FAM227B: variants seen among roughly 807,000 people sequenced by gnomAD.
The protein encoded by FAM227B is protein FAM227B.
Under a neutral mutation model 73.8 loss-of-function variants are expected in FAM227B, and 88 were observed. The observed-to-expected ratio is 1.19, with a 90% CI of 1.00 to 1.42. FAM227B has a LOEUF of 1.42. FAM227B is among the 40% of genes most tolerant of loss of function. The pLI, the probability that FAM227B is intolerant of heterozygous loss-of-function variation, is 0.00. For synonymous variants in FAM227B, 210 were observed against 190.5 expected (o/e 1.10, Z -0.84); for missense variants, 632 against 590.9 (o/e 1.07, Z -0.72).
chr15:49,534,776 A>C (rs910595383), intron 10 of FAM227B, among the ~76,000 whole-genome samples: 1 of 151,818 alleles, frequency 6.6e-6, no homozygotes, highest in African/African-American at 2.4e-5. Flanking sequence ...AATGGCCAGA[A>C]ACTACAAGTT....
rs200397296 is a variant in FAM227B at position 49,371,337 on chromosome 15, T to C, written c.1075A>G (p.Lys359Glu). 57 of 1,603,650 alleles carry C rather than the reference T, an allele frequency of 3.6e-5. No homozygotes were observed. In the East Asian group the frequency reaches 1.3e-3, roughly 36 times the overall value. The change falls in exon 12 of 16, where the codon AAG becomes GAG. Residue 359 changes from lysine to glutamate, a missense_variant. By Grantham distance (56) the Lys-to-Glu change is moderately conservative (BLOSUM62 1). Transcript: ENST00000299338. ...AGTCTTGATAATCTTGATTCTTCCT[T>C]GGATATGGGCAACGTATATGCTCTT... Reference protein sequence around the residue: ...NPRAYTLPISKEESRLSRLAT... With the variant: ...NPRAYTLPISEEESRLSRLAT...
chr15:49,356,985 C>T (rs942433420), intron 13 of FAM227B, among the ~76,000 whole-genome samples: 11 of 150,800 alleles, frequency 7.3e-5, no homozygotes, highest in South Asian at 4.2e-4. Flanking sequence ...TGAATGACTA[C>T]TGGGTACATA....
chr15:49,428,785 T>G (rs1408865197), intron 11 of FAM227B, among the ~76,000 whole-genome samples: 1 of 151,980 alleles, frequency 6.6e-6, no homozygotes, highest in African/African-American at 2.4e-5. Flanking sequence ...TTGCCTCACT[T>G]GATTATAATG....
chr15:49,397,034 T>C (rs1019616089), intron 11 of FAM227B, among the ~76,000 whole-genome samples: 18 of 152,192 alleles, frequency 1.2e-4, no homozygotes, highest in Admixed American at 3.9e-4. Context: ...AGGCTTCAGA[T>C]GATCAAATTA....
chr15:49,491,485 T>C (rs1567387954), intron 11 of FAM227B, among the ~76,000 whole-genome samples: 1 of 151,834 alleles, frequency 6.6e-6, no homozygotes, highest in Non-Finnish European at 1.5e-5. Context: ...TTTATCATGA[T>C]TTACACAAGT....
intron 11 of FAM227B, among the ~76,000 whole-genome samples, chr15:49,401,480 AC>A (rs2048143904): frequency 6.6e-6 from 1 of 151,908 alleles, no homozygotes; most frequent in Non-Finnish European, 1.5e-5. Flanking sequence ...GTACCATTTG[AC>A]CCAGCCATCC....
chr15:49,422,759 T>C, intron 11 of FAM227B: 1 of 1,337,112 alleles, frequency 7.5e-7, no homozygotes. Flanking sequence ...TCATATTCAA[T>C]GAATTGTCTC....
At chr15:49,360,795 A>G (rs1373382188) in intron 13 of FAM227B, among the ~76,000 whole-genome samples, 1 of 152,228 alleles carries the variant, frequency 6.6e-6, no homozygotes. Flanking sequence ...TACATTAACT[A>G]GTAAACAAGT....
intron 11 of FAM227B, among the ~76,000 whole-genome samples, chr15:49,411,849 T>C (rs2048892222): frequency 6.6e-6 from 1 of 152,134 alleles, no homozygotes; most frequent in Admixed American, 6.6e-5. Context: ...TCCAAAATTG[T>C]GCACAAATAA....
intron 11 of FAM227B, among the ~76,000 whole-genome samples, chr15:49,418,391 G>GGGA: frequency 6.6e-6 from 1 of 152,268 alleles, no homozygotes; most frequent in East Asian, 1.9e-4. Flanking sequence ...ATTCACAATA[G>GGGA]CAAAGATATG....
At chr15:49,540,507 G>A (rs1394076859) in intron 10 of FAM227B, among the ~76,000 whole-genome samples, 1 of 152,140 alleles carries the variant, frequency 6.6e-6, no homozygotes, top group Non-Finnish European at 1.5e-5. Context: ...TTTTGTGTGT[G>A]TGTGAGAGAG....
intron 11 of FAM227B, among the ~76,000 whole-genome samples, chr15:49,377,160 C>T (rs1012076673): frequency 6.6e-6 from 1 of 151,830 alleles, no homozygotes; most frequent in African/African-American, 2.4e-5. Flanking sequence ...TGGCTTATTT[C>T]ACTCCAGTTT....
rs79535584 is a variant in FAM227B, at chr15:49,439,158, T to C, written c.1013-67759A>G. Among the ~76,000 whole-genome samples, 848 of 151,682 alleles carry C rather than the reference T, an allele frequency of 5.6e-3. 6 individuals are homozygous for C. The highest frequency in any genetic ancestry group is 0.019 in the African/African-American group (808 of 41,458). On this transcript the variant is annotated intron_variant, in intron 11 of 15. Coordinates refer to ENST00000299338, the MANE Select transcript of FAM227B (RefSeq NM_152647.3). ...TCACATTGTTGTTGGCAGGCCTCTGTTTCTATCAGGCTGTTGGCCGGCAAC... is the reference window on the plus strand; with the variant it reads ...TCACATTGTTGTTGGCAGGCCTCTGCTTCTATCAGGCTGTTGGCCGGCAAC...
intron 13 of FAM227B, chr15:49,354,135 T>C (rs995985747): frequency 3.9e-5 from 6 of 152,252 alleles, no homozygotes; most frequent in African/African-American, 1.4e-4. Flanking sequence ...TTTATTTTTA[T>C]GCTAGGATAA....
chr15:49,613,556 G>A (rs1048998522), intron 2 of FAM227B, among the ~76,000 whole-genome samples: 12 of 152,144 alleles, frequency 7.9e-5, no homozygotes, highest in Middle Eastern at 3.4e-3. Flanking sequence ...TCTAATATTC[G>A]ATAGCACAAC....
intron 14 of FAM227B, among the ~76,000 whole-genome samples, chr15:49,332,347 C>T (rs1406268989): frequency 6.6e-6 from 1 of 152,094 alleles, no homozygotes; most frequent in Non-Finnish European, 1.5e-5. Context: ...AAGGTAGAGA[C>T]ACAGGAAAGA....
In FAM227B at chr15:49,568,261, T is replaced by C. The variant is rs769635887; in HGVS notation, c.731A>G (p.Lys244Arg). The C allele has an allele frequency of 6.2e-7, 1 of 1,607,408 alleles. No homozygotes were observed. Among genetic ancestry groups the C allele is most frequent in the Non-Finnish European group, 8.5e-7 (1 of 1,177,380 alleles). ...AATGCTTACCTGAAAAAATGCATCCTTTCGACTTAGAGGTATGCTCATGAA... is the reference window on the plus strand; with the variant it reads ...AATGCTTACCTGAAAAAATGCATCCCTTCGACTTAGAGGTATGCTCATGAA... ...TLFMSIPLSRKDAFFQIYPDC... is the reference protein window; with the variant it reads ...TLFMSIPLSRRDAFFQIYPDC... Residue 244 changes from lysine (K) to arginine (R), a missense_variant, in exon 9 of 16, where the codon AAG becomes AGG. Coordinates refer to ENST00000299338, the MANE Select transcript of FAM227B (RefSeq NM_152647.3).
At chr15:49,343,671 A>C (rs965734123) in intron 13 of FAM227B, 2 of 152,188 alleles carry the variant, frequency 1.3e-5, no homozygotes, top group Non-Finnish European at 1.5e-5. Context: ...GAAATGTAAT[A>C]GTGATGTAGG....
At chr15:49,331,697 T>G (rs79454504) in intron 15 of FAM227B, 83 bp downstream of exon 15, 11,526 of 856,994 alleles carry the variant, frequency 0.013, 115 homozygotes, top group Non-Finnish European at 0.018. Context: ...TGTGCCACCA[T>G]ACATTGCTTA....
Sources: allele counts gnomAD v4.1 joint callset (sites outside exome capture counted in the v4.1 genomes callset), GRCh38; gene constraint gnomAD v4.1.1; transcripts MANE v1.5; gene names NCBI Gene and HGNC (gene_info 2026-07-23, HGNC 2026-07-21).